CAMK2A: variants seen among roughly 807,000 people sequenced by gnomAD.
CAMK2A encodes the protein calcium/calmodulin dependent protein kinase II alpha.
Under a neutral mutation model 79.2 loss-of-function variants are expected in CAMK2A, and 7 were observed. That is an observed-to-expected ratio of 0.09 (90% CI 0.05 to 0.17). The LOEUF is 0.17. Ranked by LOEUF, CAMK2A falls within the 10% of genes least tolerant of loss-of-function variation. The pLI is 1.00. For synonymous variants in CAMK2A, 242 were observed against 251.7 expected (o/e 0.96, Z 0.36); for missense variants, 214 against 646.4 (o/e 0.33, Z 7.25).
chr5:150,285,143 C>G (rs1334815375), intron 1 of CAMK2A, among the ~76,000 whole-genome samples: 1 of 152,184 alleles, frequency 6.6e-6, no homozygotes, highest in African/African-American at 2.4e-5. Context: ...AGGATGTTCC[C>G]CAGATACGGC....
Position 150,255,906 on chromosome 5 carries a change from A to G in CAMK2A, c.411+667T>C, listed in dbSNP as rs533657715. ...TAGTTTCCTGCTCTGCAAAATGGAG[A>G]CAATATGAACTACCAGCCACTGATA... On this transcript the variant is annotated intron_variant, in intron 6 of 18. Coordinates refer to ENST00000671881, the MANE Select transcript of CAMK2A (RefSeq NM_015981.4). Among the ~76,000 whole-genome samples, 20 of 152,282 alleles carry G rather than the reference A, an allele frequency of 1.3e-4. 1 individual carries two copies. In the South Asian group the frequency reaches 3.9e-3, roughly 30 times the overall value.
intron 15 of CAMK2A, among the ~76,000 whole-genome samples, chr5:150,232,651 G>A (rs1038978096): frequency 6.6e-6 from 1 of 152,186 alleles, no homozygotes; most frequent in Admixed American, 6.5e-5. Context: ...GTGAATAGAT[G>A]AACACATTGC....
At chr5:150,244,494 A>G (rs1755473658) in intron 13 of CAMK2A, among the ~76,000 whole-genome samples, 1 of 152,256 alleles carries the variant, frequency 6.6e-6, no homozygotes. Flanking sequence ...AACTGCAGAG[A>G]GCAGGGGACC....
At chr5:150,228,043 G>C in intron 17 of CAMK2A, 149 bp downstream of exon 17, 1 of 624,322 alleles carries the variant, frequency 1.6e-6, no homozygotes, top group East Asian at 2.8e-5. Context: ...AGGGAACCAA[G>C]AGGGTACCAA....
chr5:150,223,159 C>A lies in CAMK2A; in HGVS notation c.1296G>T (p.Leu432=). The change falls in exon 18 of 19, where the codon CTG becomes CTT. Residue 432 remains leucine (L), a synonymous_variant. Coordinates refer to ENST00000671881, the MANE Select transcript of CAMK2A (RefSeq NM_015981.4). This position sits in a 1 kb window ranked among gnomAD's most constrained non-coding sequence, Gnocchi z 4.1. The part of the protein sequence containing the change: ...HTTILNPHIH[L]MGDESACIAY... ...CGATGCAGGCTGACTCGTCGCCCAT[C>A]AGGTGGATGTGGGGATTCAGGATGG... 1 of 1,614,026 alleles carries A rather than the reference C, an allele frequency of 6.2e-7. No individual in the cohort carries two copies. The highest frequency in any genetic ancestry group is 8.5e-7 in the Non-Finnish European group (1 of 1,180,036).
chr5:150,288,291 A>G (rs981876849), intron 1 of CAMK2A, among the ~76,000 whole-genome samples: 3 of 152,056 alleles, frequency 2.0e-5, no homozygotes, highest in African/African-American at 7.3e-5. Context: ...CCTGCCATAC[A>G]TGTGCACATT....
rs983208819 is a variant in CAMK2A, at chr5:150,222,503, G to A, written c.*207C>T. ...CTGGCAGGGGAGAGGGTGGGGGTGAGAGGTGGGGAGATGTGGCCGTTCGCT... is the reference window on the plus strand; with the variant it reads ...CTGGCAGGGGAGAGGGTGGGGGTGAAAGGTGGGGAGATGTGGCCGTTCGCT... On this transcript the variant is annotated 3_prime_UTR_variant, in exon 19 of 19. Transcript: ENST00000671881. 44 of 708,578 alleles carry A rather than the reference G, an allele frequency of 6.2e-5. No homozygotes were observed. Among genetic ancestry groups the A allele is most frequent in the Admixed American group, 4.0e-4 (20 of 50,026 alleles). 43.9% of individuals were successfully genotyped at this position (708,578 alleles called of 1,614,324 possible).
At chr5:150,248,736 T>A (rs1755695414) in intron 11 of CAMK2A, among the ~76,000 whole-genome samples, 1 of 152,148 alleles carries the variant, frequency 6.6e-6, no homozygotes. Context: ...AGTCGATCAT[T>A]GTTGGACATT....
At chr5:150,287,426 G>A (rs766605535) in intron 1 of CAMK2A, among the ~76,000 whole-genome samples, 3 of 152,280 alleles carry the variant, frequency 2.0e-5, no homozygotes, top group East Asian at 3.9e-4. Flanking sequence ...GATTAAACAA[G>A]GCCTAGCTAT....
chr5:150,263,041 G>C (rs963762595), intron 3 of CAMK2A, among the ~76,000 whole-genome samples: 5 of 152,144 alleles, frequency 3.3e-5, no homozygotes, highest in African/African-American at 9.7e-5. Context: ...GGGGAAGAGG[G>C]GGGCAGCTTA....
rs751462243 is a variant in CAMK2A, at chr5:150,223,123, G to A, written c.1332C>T (p.Arg444=). Residue 444 remains arginine (R), a synonymous_variant, in exon 18 of 19, where the codon CGC becomes CGT. Transcript: ENST00000671881. The surrounding 1 kb of genome is among the most constrained non-coding windows in gnomAD (Gnocchi z 4.1). ...CGCCAGCGTCCAGGTACTGCGTGAT[G>A]CGGATGTAGGCGATGCAGGCTGACT... is the stretch of plus-strand genomic sequence containing the variant. The part of the protein sequence containing the change: ...GDESACIAYI[R]ITQYLDAGGI... 1 of 1,614,146 alleles carries A rather than the reference G, an allele frequency of 6.2e-7. No individual in the cohort carries two copies. Among genetic ancestry groups the A allele is most frequent in the East Asian group, 2.2e-5 (1 of 44,890 alleles).
Position 150,238,710 on chromosome 5 carries a change from T to C in CAMK2A, c.1056A>G (p.Glu352=). Reference sequence around the variant, plus strand: ...AAGGCCCCTCCCTACCTTTGGTGTCTTCATCCTCGATGGTGGTGTTGGTGC... The same window carrying C: ...AAGGCCCCTCCCTACCTTTGGTGTCCTCATCCTCGATGGTGGTGTTGGTGC... ...SESTNTTIED[E]DTKVRKQEII... Residue 352 remains glutamate (E), a synonymous_variant, in exon 15 of 19, where the codon GAA becomes GAG. Transcript: ENST00000671881. The C allele has an allele frequency of 6.2e-7, 1 of 1,607,280 alleles. No individual in the cohort carries two copies. Among genetic ancestry groups the C allele is most frequent in the Non-Finnish European group, 8.5e-7 (1 of 1,176,160 alleles).
At chr5:150,274,922 C>T (rs1004125151) in intron 1 of CAMK2A, among the ~76,000 whole-genome samples, 3 of 152,218 alleles carry the variant, frequency 2.0e-5, no homozygotes, top group Admixed American at 1.3e-4. Flanking sequence ...CAGCTCCGAG[C>T]CCACAAAAAG....
chr5:150,249,117 G>A (rs1249946185), intron 11 of CAMK2A, among the ~76,000 whole-genome samples: 1 of 152,196 alleles, frequency 6.6e-6, no homozygotes, highest in East Asian at 1.9e-4. Context: ...TCCACTCCAG[G>A]CCTGGGAGCA....
At chr5:150,282,179 A>C (rs1039639907) in intron 1 of CAMK2A, among the ~76,000 whole-genome samples, 1 of 152,158 alleles carries the variant, frequency 6.6e-6, no homozygotes, top group Non-Finnish European at 1.5e-5. Flanking sequence ...AAGATGCTGC[A>C]GGGACGCAGT....
chr5:150,287,893 G>T (rs1422108526), intron 1 of CAMK2A, among the ~76,000 whole-genome samples: 1 of 151,796 alleles, frequency 6.6e-6, no homozygotes, highest in Non-Finnish European at 1.5e-5. Flanking sequence ...ACACATGGGG[G>T]TATATGTGCT....
At chr5:150,239,879 C>A in intron 13 of CAMK2A, 143 bp from the exon 14 acceptor site, 1 of 698,056 alleles carries the variant, frequency 1.4e-6, no homozygotes, top group Non-Finnish European at 2.6e-6. Flanking sequence ...GGCATCGGGA[C>A]AAGGAGTCAA....
In CAMK2A at chr5:150,256,525, G is replaced by A. The variant is rs1408341624; in HGVS notation, c.411+48C>T. 1 of 1,324,364 alleles carries A rather than the reference G, an allele frequency of 7.6e-7. No individual in the cohort carries two copies. Among genetic ancestry groups the A allele is most frequent in the Non-Finnish European group, 1.1e-6 (1 of 918,714 alleles). The allele number at this position is 1,324,364 out of a possible 1,614,324, so 82.0% of individuals were successfully genotyped here. A position where few individuals can be genotyped will look rare whatever the true frequency, so the allele number is the denominator to read the frequency against. ...CTCTGCAGGATTAGGGACGTGCAGA[G>A]GAGAGAGGGGCTCCCGGGGTGAGCC... On this transcript the variant is annotated intron_variant, in intron 6 of 18. Coordinates refer to ENST00000671881, the MANE Select transcript of CAMK2A (RefSeq NM_015981.4). The surrounding 1 kb of genome is among the most constrained non-coding windows in gnomAD (Gnocchi z 4.6).
intron 12 of CAMK2A, among the ~76,000 whole-genome samples, chr5:150,245,635 G>T (rs1487549194): frequency 6.6e-6 from 1 of 152,202 alleles, no homozygotes; most frequent in Non-Finnish European, 1.5e-5. Flanking sequence ...CTGCTGCGGA[G>T]GTCATGTGTC....
Sources: gnomAD v4.1 joint callset for allele counts (sites outside exome capture counted in the v4.1 genomes callset) on GRCh38, gnomAD v4.1.1 for gene constraint, Gnocchi (gnomAD v3.1) non-coding constraint, MANE v1.5 for transcripts, NCBI Gene and HGNC (gene_info 2026-07-23, HGNC 2026-07-21) for gene names.